SLC38A1: variants seen among roughly 807,000 people sequenced by gnomAD.
SLC38A1 encodes sodium-coupled neutral amino acid symporter 1.
A neutral mutation model predicts 60.3 loss-of-function variants in SLC38A1; 18 were observed. The ratio of observed to expected loss-of-function variants is 0.30; its 90% confidence interval spans 0.21 to 0.44. SLC38A1 has a LOEUF of 0.44. SLC38A1 is among the 20% of genes least tolerant of loss of function. The probability of loss-of-function intolerance (pLI) is 1.00; values close to 1 mark genes in which losing one functional copy is unlikely to be tolerated. For synonymous variants in SLC38A1, 196 were observed against 212.1 expected (o/e 0.92, Z 0.66); for missense variants, 448 against 587.2 (o/e 0.76, Z 2.45).
chr12:46,209,834 A>T (rs1940072758), intron 5 of SLC38A1, among the ~76,000 whole-genome samples: 1 of 152,194 alleles, frequency 6.6e-6, no homozygotes, highest in Non-Finnish European at 1.5e-5. Flanking sequence ...CCTTCTCAAG[A>T]AAAAGTGCAG....
chr12:46,251,326 C>A (rs1320388348), intron 1 of SLC38A1, among the ~76,000 whole-genome samples: 1 of 152,178 alleles, frequency 6.6e-6, no homozygotes, highest in Admixed American at 6.5e-5. Context: ...CTTCTTGACA[C>A]CTTATACAAA....
intron 16 of SLC38A1, among the ~76,000 whole-genome samples, chr12:46,192,637 A>C (rs1466406694): frequency 4.6e-5 from 7 of 152,112 alleles, no homozygotes; most frequent in Non-Finnish European, 1.0e-4. Context: ...TCAGAGATTC[A>C]GCTTCTTCCT....
chr12:46,253,363 A>G (rs545445729), intron 1 of SLC38A1, among the ~76,000 whole-genome samples: 2 of 152,352 alleles, frequency 1.3e-5, no homozygotes, highest in Admixed American at 1.3e-4. Context: ...AGCGGCCCCA[A>G]GGGCTGCTGG....
At chr12:46,234,919 T>A (rs1376322144) in intron 3 of SLC38A1, among the ~76,000 whole-genome samples, 4 of 152,172 alleles carry the variant, frequency 2.6e-5, no homozygotes, top group Non-Finnish European at 5.9e-5. Flanking sequence ...TTAAATATGC[T>A]ATGGAAGAAG....
rs368805290 is a variant in SLC38A1 at position 46,218,303 on chromosome 12, C to T, written c.315-9176G>A. ...TTCCCTTCTCCTCAAACCTAGATCC[C>T]TACTCTTTATCATATTCTAAAGATG... On this transcript the variant is annotated intron_variant, in intron 5 of 16. Transcript: ENST00000398637. 2.7e-4 allele frequency among the ~76,000 whole-genome samples: 41 copies of T among 152,104 alleles called. No homozygotes were observed. The South Asian group carries it at 8.3e-3, about 31-fold the overall frequency.
intron 1 of SLC38A1, among the ~76,000 whole-genome samples, chr12:46,258,756 A>G (rs1269737052): frequency 1.3e-5 from 2 of 152,160 alleles, no homozygotes; most frequent in Non-Finnish European, 2.9e-5. Flanking sequence ...CAGATTCAAG[A>G]GAATCTCCTG....
intron 3 of SLC38A1, among the ~76,000 whole-genome samples, chr12:46,236,739 C>A (rs771378758): frequency 6.6e-6 from 1 of 152,160 alleles, no homozygotes; most frequent in Non-Finnish European, 1.5e-5. Flanking sequence ...GAGGAACAGT[C>A]TAGAGCTTTC....
intron 3 of SLC38A1, among the ~76,000 whole-genome samples, chr12:46,232,504 A>G (rs551627957): frequency 6.6e-6 from 1 of 152,340 alleles, no homozygotes; most frequent in South Asian, 2.1e-4. Flanking sequence ...TTTTGTCTTT[A>G]ATGTTTTGAA....
At chr12:46,256,125 C>T (rs969491737) in intron 1 of SLC38A1, among the ~76,000 whole-genome samples, 5 of 146,964 alleles carry the variant, frequency 3.4e-5, no homozygotes, top group Non-Finnish European at 5.9e-5. Flanking sequence ...GAGATCACGC[C>T]ACTGCACTCC....
In SLC38A1 at chr12:46,238,906, A is replaced by G. The variant is rs996571831; in HGVS notation, c.122+773T>C. On this transcript the variant is annotated intron_variant, in intron 3 of 16. Transcript: ENST00000398637. ...ACAGAGTCATTTGGGCTCAACCATT[A>G]TTATTATTTAAAATCCATACTACAA... Among the ~76,000 whole-genome samples the G allele has an allele frequency of 3.9e-5, 6 of 152,154 alleles. No individual in the cohort carries two copies. In the East Asian group the frequency reaches 1.2e-3, roughly 29 times the overall value.
At chr12:46,244,822 C>A (rs906338625) in intron 1 of SLC38A1, among the ~76,000 whole-genome samples, 1 of 152,192 alleles carries the variant, frequency 6.6e-6, no homozygotes, top group Non-Finnish European at 1.5e-5. Flanking sequence ...TTTTCCTTAG[C>A]GTAAACAGAT....
intron 16 of SLC38A1, among the ~76,000 whole-genome samples, chr12:46,192,559 C>T (rs1183775430): frequency 2.6e-5 from 4 of 152,102 alleles, no homozygotes; most frequent in Non-Finnish European, 5.9e-5. Flanking sequence ...TCCTTCTGGT[C>T]CTGGACTTTT....
rs1232072312 is a variant in SLC38A1 at position 46,184,252 on chromosome 12, T to C, written c.*4718A>G. The stretch of plus-strand genomic sequence containing the variant: ...ACCTTCAGCTTGTACCTGAAAGCTT[T>C]ATCTCGTTATAAATAATTCACTGTA... On this transcript the variant is annotated 3_prime_UTR_variant, in exon 17 of 17. Transcript: ENST00000398637. 6.6e-6 allele frequency: 1 copy of C among 152,218 alleles called. No homozygotes were observed. The allele number at this position is 152,218 out of a possible 1,614,324, so 9.4% of individuals were successfully genotyped here. A position where few individuals can be genotyped will look rare whatever the true frequency, so the allele number is the denominator to read the frequency against.
At chr12:46,261,752 C>G (rs949780723) in intron 1 of SLC38A1, among the ~76,000 whole-genome samples, 1 of 152,198 alleles carries the variant, frequency 6.6e-6, no homozygotes, top group African/African-American at 2.4e-5. Flanking sequence ...AGCCACTATG[C>G]TTGGAATGTT....
chr12:46,250,723 G>T (rs919006280), intron 1 of SLC38A1, among the ~76,000 whole-genome samples: 2 of 152,100 alleles, frequency 1.3e-5, no homozygotes, highest in African/African-American at 4.8e-5. Context: ...GCCAAATCAT[G>T]AGTGAACTCC....
Position 46,239,687 on chromosome 12 carries a change from C to G in SLC38A1, c.114G>C (p.Gln38His), listed in dbSNP as rs766269250. The G allele has an allele frequency of 6.2e-7, 1 of 1,613,746 alleles. No individual in the cohort carries two copies. The highest frequency in any genetic ancestry group is 8.5e-7 in the Non-Finnish European group (1 of 1,179,936). The change falls in exon 3 of 17, where the codon CAG becomes CAC. Residue 38 changes from glutamine (Q) to histidine (H), a missense_variant. Around this residue, in one of 2 missense-constraint regions of SLC38A1, gnomAD observed 102 missense variants for 89.7 expected, o/e 1.14. Transcript: ENST00000398637. ...SNDFTEVENG[Q>H]INSKFISDRE... is the part of the protein sequence containing the mutation. ...AGTGGAAAAATACTCACCTATTTAT[C>G]TGACCATTTTCTACTTCGGTGAAAT...
At chr12:46,260,636 C>T (rs1054231736) in intron 1 of SLC38A1, among the ~76,000 whole-genome samples, 42 of 152,282 alleles carry the variant, frequency 2.8e-4, no homozygotes, top group African/African-American at 9.1e-4. Context: ...AAGCAGAACG[C>T]ATCACCTGAC....
intron 11 of SLC38A1, 136 bp from the exon 12 acceptor site, chr12:46,203,225 T>G: frequency 1.4e-6 from 1 of 729,596 alleles, no homozygotes; most frequent in Non-Finnish European, 2.3e-6. Flanking sequence ...AGGGAGGTTT[T>G]GATCTCTAAA....
chr12:46,197,650 G>T, intron 16 of SLC38A1, 70 bp downstream of exon 16: 1 of 988,952 alleles, frequency 1.0e-6, no homozygotes, highest in Non-Finnish European at 1.6e-6. Flanking sequence ...ATAGAGAGGT[G>T]GACTATTTAT....
Sources: allele counts gnomAD v4.1 joint callset (sites outside exome capture counted in the v4.1 genomes callset), GRCh38; gene constraint gnomAD v4.1.1; regional missense constraint gnomAD v4.1.1; transcripts MANE v1.5; gene names NCBI Gene and HGNC (gene_info 2026-07-23, HGNC 2026-07-21).